The following PCBP3 variants were observed in gnomAD, a reference collection of about 807,000 sequenced individuals.
PCBP3 encodes poly(rC)-binding protein 3.
Under a neutral mutation model 52.7 loss-of-function variants are expected in PCBP3, and 25 were observed. The observed-to-expected ratio is 0.47, with a 90% CI of 0.35 to 0.66. The LOEUF (loss-of-function observed/expected upper bound fraction) is 0.66. Among genes scored for constraint, PCBP3 ranks in the 30% least tolerant of loss-of-function variants. The pLI is 0.01. For synonymous variants in PCBP3, 162 were observed against 183.0 expected (o/e 0.89, Z 0.93); for missense variants, 391 against 490.3 (o/e 0.80, Z 1.91).
intron 11 of PCBP3, 33 bp downstream of exon 11, chr21:45,911,063 A>C (rs771924910): frequency 6.2e-7 from 1 of 1,603,358 alleles, no homozygotes; most frequent in Non-Finnish European, 8.5e-7. Context: ...AGCCCACGTC[A>C]GTGCTGGATT....
At chr21:45,727,740 T>C (rs1187437946) in intron 2 of PCBP3, among the ~76,000 whole-genome samples, 1 of 151,952 alleles carries the variant, frequency 6.6e-6, no homozygotes, top group Non-Finnish European at 1.5e-5. Context: ...TCTGGATTGG[T>C]GGGTTTGTAT....
chr21:45,815,996 GGTGAGTGGTGA>G (rs1275748333), intron 4 of PCBP3, among the ~76,000 whole-genome samples: 22 of 129,116 alleles, frequency 1.7e-4, no homozygotes, highest in Non-Finnish European at 2.4e-4. Context: ...GTGAGTGAGT[GGTGAGTGGTGA>G]GTGAGTGGTG....
At chr21:45,748,721 G>A (rs1271105572) in intron 3 of PCBP3, among the ~76,000 whole-genome samples, 3 of 152,240 alleles carry the variant, frequency 2.0e-5, no homozygotes, top group Non-Finnish European at 2.9e-5. Flanking sequence ...GGAGCACAGC[G>A]GTGAGCTGTT....
At chr21:45,745,265 A>G (rs561129412) in intron 3 of PCBP3, among the ~76,000 whole-genome samples, 63 of 152,330 alleles carry the variant, frequency 4.1e-4, no homozygotes, top group African/African-American at 1.4e-3. Flanking sequence ...TGGGGCATAC[A>G]GAGAGCCACG....
At chr21:45,760,411 A>AT (rs2088520777) in intron 4 of PCBP3, 1 of 152,214 alleles carries the variant, frequency 6.6e-6, no homozygotes, top group Non-Finnish European at 1.5e-5. Flanking sequence ...TCCGAGCTCT[A>AT]AGAAGGCATT....
intron 4 of PCBP3, among the ~76,000 whole-genome samples, chr21:45,792,990 G>A (rs1160958226): frequency 6.6e-6 from 1 of 152,144 alleles, no homozygotes; most frequent in Non-Finnish European, 1.5e-5. Context: ...TGCAACACCC[G>A]AGGCTGACCA....
intron 4 of PCBP3, chr21:45,828,871 C>A (rs761144066): frequency 6.6e-6 from 1 of 152,378 alleles, no homozygotes; most frequent in Non-Finnish European, 1.5e-5. Context: ...CGGTCATGCC[C>A]AGGCTCCTTT....
intron 5 of PCBP3, among the ~76,000 whole-genome samples, chr21:45,889,349 G>A (rs1169040689): frequency 1.3e-5 from 2 of 152,230 alleles, no homozygotes; most frequent in East Asian, 1.9e-4. Flanking sequence ...GGCCTGCTTA[G>A]AAGCTGTCAG....
chr21:45,816,876 A>C (rs567292773), intron 4 of PCBP3, among the ~76,000 whole-genome samples: 189 of 152,132 alleles, frequency 1.2e-3, no homozygotes, highest in African/African-American at 4.5e-3. Context: ...TGTACGAGTT[A>C]CGCTCTGATG....
chr21:45,704,006 T>C lies in PCBP3; in HGVS notation c.-199-31386T>C, dbSNP rs1276045801. The stretch of plus-strand genomic sequence containing the variant: ...ACATGGAGATGGAGGTTGCGAGTGG[T>C]TGATGGATGAAATTACCAAGTAGGG... On this transcript the variant is annotated intron_variant, in intron 2 of 17. Transcript: ENST00000681687. The surrounding 1 kb of genome is among the most constrained non-coding windows in gnomAD (Gnocchi z 4.1). 6.6e-6 allele frequency among the ~76,000 whole-genome samples: 1 copy of C among 151,942 alleles called. No homozygotes were observed. The highest frequency in any genetic ancestry group is 1.5e-5 in the Non-Finnish European group (1 of 67,998).
intron 4 of PCBP3, among the ~76,000 whole-genome samples, chr21:45,823,310 G>A (rs1472842003): frequency 6.6e-6 from 1 of 152,170 alleles, no homozygotes; most frequent in Non-Finnish European, 1.5e-5. Flanking sequence ...GGGTTTCAGA[G>A]TTTCAGAAAA....
rs1299663395 is a variant in PCBP3 at position 45,817,468 on chromosome 21, G to A, written c.-125-32493G>A. Among the ~76,000 whole-genome samples, 2 of 152,202 alleles carry A rather than the reference G, an allele frequency of 1.3e-5. No individual in the cohort carries two copies. The highest frequency in any genetic ancestry group is 2.4e-5 in the African/African-American group (1 of 41,438). ...CATCTTCCTGCAGTTTGGGGGCCCC[G>A]TCTCCTCTTAGCTCTTGCCTCTGCT... is the stretch of plus-strand genomic sequence containing the variant. On this transcript the variant is annotated intron_variant, in intron 4 of 17. Coordinates refer to ENST00000681687, the MANE Select transcript of PCBP3 (RefSeq NM_001384156.1). The surrounding 1 kb of genome is among the most constrained non-coding windows in gnomAD (Gnocchi z 4.3).
At chr21:45,790,214 A>C (rs2091448188) in intron 4 of PCBP3, among the ~76,000 whole-genome samples, 1 of 152,082 alleles carries the variant, frequency 6.6e-6, no homozygotes, top group Non-Finnish European at 1.5e-5. Context: ...CTTCACCTGG[A>C]CCCAGGTGAG....
At chr21:45,723,385 C>A (rs760451440) in intron 2 of PCBP3, among the ~76,000 whole-genome samples, 1 of 152,196 alleles carries the variant, frequency 6.6e-6, no homozygotes. Context: ...TGGTGAGAGG[C>A]CAGACAGACT....
intron 2 of PCBP3, among the ~76,000 whole-genome samples, chr21:45,731,869 C>CT (rs60209238): frequency 0.27 from 40,645 of 149,558 alleles, 5,660 homozygotes; most frequent in Middle Eastern, 0.39. Context: ...AATGCATTGC[C>CT]TTTTTTTTTT....
At chr21:45,873,209 C>G (rs2095107306) in intron 5 of PCBP3, 1 of 152,286 alleles carries the variant, frequency 6.6e-6, no homozygotes, top group African/African-American at 2.4e-5. Context: ...CTCCACTGCC[C>G]TTTGGATCAC....
At chr21:45,863,977 CAGG>C (rs1268123904) in intron 5 of PCBP3, among the ~76,000 whole-genome samples, 7 of 152,228 alleles carry the variant, frequency 4.6e-5, no homozygotes, top group Non-Finnish European at 1.0e-4. Context: ...AGGCTCCCGT[CAGG>C]CCGGCTGTTC....
intron 4 of PCBP3, among the ~76,000 whole-genome samples, chr21:45,842,915 A>G (rs1318421653): frequency 1.3e-5 from 2 of 152,274 alleles, no homozygotes; most frequent in South Asian, 2.1e-4. Context: ...TTCTGACCTA[A>G]TAGGTTCCTC....
chr21:45,782,897 G>A (rs1013368593), intron 4 of PCBP3, among the ~76,000 whole-genome samples: 1 of 152,188 alleles, frequency 6.6e-6, no homozygotes, highest in East Asian at 1.9e-4. Flanking sequence ...GAGGCATGTC[G>A]CTGAGTGGAA....
Sources: gnomAD v4.1 joint callset for allele counts (sites outside exome capture counted in the v4.1 genomes callset) on GRCh38, gnomAD v4.1.1 for gene constraint, Gnocchi (gnomAD v3.1) non-coding constraint, MANE v1.5 for transcripts, NCBI Gene and HGNC (gene_info 2026-07-23, HGNC 2026-07-21) for gene names.